The following ARHGAP10 variants were observed in gnomAD, a reference collection of about 807,000 sequenced individuals.
The protein encoded by ARHGAP10 is Rho GTPase activating protein 10, also known as rho GTPase-activating protein 10.
In ARHGAP10, 87 loss-of-function variants were observed where a neutral mutation model predicts 108.6. That is an observed-to-expected ratio of 0.80 (90% confidence interval 0.67 to 0.96). ARHGAP10 has a LOEUF of 0.96. ARHGAP10 is among the 40% of genes least tolerant of loss of function. The pLI, the probability that ARHGAP10 is intolerant of heterozygous loss-of-function variation, is 0.00. For synonymous variants in ARHGAP10, 347 were observed against 341.1 expected (o/e 1.02, Z -0.19); for missense variants, 939 against 954.5 (o/e 0.98, Z 0.21).
chr4:147,990,039 C>T (rs1293915950), intron 18 of ARHGAP10, among the ~76,000 whole-genome samples: 3 of 152,188 alleles, frequency 2.0e-5, no homozygotes, highest in Admixed American at 6.5e-5. Context: ...CGTTTGGGGT[C>T]CCTGACTTCC....
intron 1 of ARHGAP10, among the ~76,000 whole-genome samples, chr4:147,780,044 A>C (rs1579034127): frequency 6.6e-6 from 1 of 152,306 alleles, no homozygotes; most frequent in Non-Finnish European, 1.5e-5. Context: ...ACTAATTTCT[A>C]ATTATCTGAA....
rs996977731 is a variant in ARHGAP10 at position 148,072,198 on chromosome 4, G to A, written c.*117G>A. The A allele has an allele frequency of 1.9e-4, 108 of 582,734 alleles. No individual in the cohort carries two copies. Among genetic ancestry groups the A allele is most frequent in the Non-Finnish European group, 2.7e-4 (99 of 362,312 alleles). The allele number at this position is 582,734 out of a possible 1,614,324, so 36.1% of individuals were successfully genotyped here. A position where few individuals can be genotyped will look rare whatever the true frequency, so the allele number is the denominator to read the frequency against. On this transcript the variant is annotated 3_prime_UTR_variant, in exon 23 of 23. Transcript: ENST00000336498. Reference sequence around the variant, plus strand: ...CCCACAGGTACCTCCACACTTGGGAGTTACCATCATCACAGTCAGCCCTGG... The same window carrying A: ...CCCACAGGTACCTCCACACTTGGGAATTACCATCATCACAGTCAGCCCTGG...
At chr4:147,748,055 A>G (rs1203292232) in intron 1 of ARHGAP10, among the ~76,000 whole-genome samples, 5 of 152,276 alleles carry the variant, frequency 3.3e-5, no homozygotes, top group South Asian at 2.1e-4. Flanking sequence ...TCCAGCCCCA[A>G]ATGTTCGTAG....
chr4:147,950,286 A>G (rs1408234029), intron 15 of ARHGAP10, among the ~76,000 whole-genome samples: 1 of 152,126 alleles, frequency 6.6e-6, no homozygotes, highest in Non-Finnish European at 1.5e-5. Flanking sequence ...TTGGTGATGC[A>G]TCAAATGGGA....
intron 4 of ARHGAP10, among the ~76,000 whole-genome samples, chr4:147,857,300 A>G (rs1579123015): frequency 6.6e-6 from 1 of 152,350 alleles, no homozygotes; most frequent in Non-Finnish European, 1.5e-5. Context: ...CTAAGTCTGA[A>G]GAACTGAAAA....
chr4:147,914,949 T>G (rs998233437), intron 13 of ARHGAP10, among the ~76,000 whole-genome samples: 4 of 152,230 alleles, frequency 2.6e-5, no homozygotes, highest in Non-Finnish European at 5.9e-5. Flanking sequence ...ACAGGCTATT[T>G]CTGGAGGTTG....
At chr4:147,852,700 C>G (rs1733919422) in intron 4 of ARHGAP10, among the ~76,000 whole-genome samples, 1 of 139,702 alleles carries the variant, frequency 7.2e-6, no homozygotes, top group African/African-American at 2.6e-5. Flanking sequence ...AGAACATCAC[C>G]AAACTTTTTT....
intron 14 of ARHGAP10, among the ~76,000 whole-genome samples, chr4:147,941,379 G>A (rs1321791684): frequency 3.3e-5 from 5 of 152,192 alleles, no homozygotes; most frequent in Non-Finnish European, 2.9e-5. Context: ...TAAACTCAGC[G>A]TGGTAGTTTG....
chr4:147,815,758 CAA>C lies in ARHGAP10; in HGVS notation c.155-6968_155-6967del, dbSNP rs1732216172. ...TTTCATGCCTGTAGTCCCAGCTACT[CAA>C]GAGGTTGAGGTGGGAGTTTCTCATG... On this transcript the variant is annotated intron_variant, in intron 1 of 22. Coordinates refer to ENST00000336498, the MANE Select transcript of ARHGAP10 (RefSeq NM_024605.4). 2.0e-5 allele frequency among the ~76,000 whole-genome samples: 3 copies of C among 152,012 alleles called. No individual in the cohort carries two copies. In the East Asian group the frequency reaches 5.8e-4, roughly 29 times the overall value.
chr4:148,022,049 C>T (rs1741587395), intron 18 of ARHGAP10, among the ~76,000 whole-genome samples: 1 of 152,118 alleles, frequency 6.6e-6, no homozygotes, highest in Non-Finnish European at 1.5e-5. Context: ...AGTTGTTCAG[C>T]AATACACATA....
intron 14 of ARHGAP10, among the ~76,000 whole-genome samples, chr4:147,940,124 C>A (rs770817255): frequency 6.6e-6 from 1 of 152,184 alleles, no homozygotes; most frequent in Admixed American, 6.5e-5. Context: ...AAAGAATGCA[C>A]CCCCTGGTTG....
chr4:148,035,369 G>T (rs1433039375), intron 19 of ARHGAP10, among the ~76,000 whole-genome samples: 2 of 152,172 alleles, frequency 1.3e-5, no homozygotes, highest in Non-Finnish European at 2.9e-5. Context: ...TTTTAGTTTT[G>T]GGGGGAATGC....
At chr4:147,849,236 CT>C (rs536088589) in intron 4 of ARHGAP10, among the ~76,000 whole-genome samples, 1,761 of 137,946 alleles carry the variant, frequency 0.013, 9 homozygotes, top group African/African-American at 0.028. Context: ...AAAGACTCTG[CT>C]TTTTTTTTTT....
chr4:147,765,344 G>GGT (rs1729762448), intron 1 of ARHGAP10, among the ~76,000 whole-genome samples: 4 of 147,792 alleles, frequency 2.7e-5, no homozygotes, highest in Admixed American at 6.7e-5. Flanking sequence ...GTGTGGGGGG[G>GGT]GGGGTGTGAG....
chr4:147,908,662 T>C (rs1249508480), intron 11 of ARHGAP10, among the ~76,000 whole-genome samples: 1 of 152,232 alleles, frequency 6.6e-6, no homozygotes, highest in Non-Finnish European at 1.5e-5. Context: ...CTTACTTAAA[T>C]TATGGGCAGG....
chr4:147,881,763 C>T lies in ARHGAP10; in HGVS notation c.940-75C>T, dbSNP rs540682709. The T allele has an allele frequency of 3.1e-4, 421 of 1,355,792 alleles. No individual in the cohort carries two copies. The African/African-American group carries it at 4.7e-3, about 15-fold the overall frequency. 84.0% of individuals were successfully genotyped at this position (1,355,792 alleles called of 1,614,324 possible). ...AGATCTTGAACCTTGCTCCCCTGCT[C>T]TCCAGTATAGAATGGCTGAGTGTGT... On this transcript the variant is annotated intron_variant, in intron 9 of 22. Coordinates refer to ENST00000336498, the MANE Select transcript of ARHGAP10 (RefSeq NM_024605.4).
chr4:147,807,403 G>T (rs896035863), intron 1 of ARHGAP10, among the ~76,000 whole-genome samples: 1 of 151,512 alleles, frequency 6.6e-6, no homozygotes, highest in African/African-American at 2.4e-5. Flanking sequence ...GGTGATACAA[G>T]AAGAAAAAGG....
At chr4:147,833,438 A>G (rs972294060) in intron 3 of ARHGAP10, among the ~76,000 whole-genome samples, 1 of 152,176 alleles carries the variant, frequency 6.6e-6, no homozygotes, top group African/African-American at 2.4e-5. Context: ...CTCTGCAGCC[A>G]TGTGGAACTG....
chr4:147,799,958 T>C (rs1731509778), intron 1 of ARHGAP10, among the ~76,000 whole-genome samples: 1 of 152,150 alleles, frequency 6.6e-6, no homozygotes, highest in African/African-American at 2.4e-5. Context: ...TTTAAATCTT[T>C]TGTTTTAGCA....
Sources: gnomAD v4.1 joint callset for allele counts (sites outside exome capture counted in the v4.1 genomes callset) on GRCh38, gnomAD v4.1.1 for gene constraint, MANE v1.5 for transcripts, NCBI Gene and HGNC (gene_info 2026-07-23, HGNC 2026-07-21) for gene names.